The following CFAP20DC variants were observed in gnomAD, a reference collection of about 807,000 sequenced individuals.
CFAP20DC encodes the protein protein CFAP20DC.
A neutral mutation model predicts 101.7 loss-of-function variants in CFAP20DC; 84 were observed. The observed-to-expected ratio is 0.83, with a 90% CI of 0.69 to 0.99. CFAP20DC has a LOEUF of 0.99. Ranked by LOEUF, CFAP20DC falls within the 50% of genes least tolerant of loss-of-function variation. CFAP20DC has a pLI of 0.00. For missense variants in CFAP20DC, 1,007 were observed against 970.3 expected (o/e 1.04, Z -0.50); for synonymous variants, 359 against 351.2 (o/e 1.02, Z -0.25).
chr3:58,742,701 T>C, intron 16 of CFAP20DC, 129 bp from the exon 17 acceptor site: 1 of 516,996 alleles, frequency 1.9e-6, no homozygotes, highest in East Asian at 3.4e-5. Context: ...GGTTTAGGCC[T>C]GAAGGAAGAG....
In CFAP20DC at chr3:58,805,627, T is replaced by TGTAG. The variant is rs1427772937; in HGVS notation, c.2237+764_2237+767dup. Among the ~76,000 whole-genome samples, 8 of 152,216 alleles carry TGTAG rather than the reference T, an allele frequency of 5.3e-5. No individual in the cohort carries two copies. The South Asian group carries it at 1.0e-3, about 20-fold the overall frequency. ...AGGTGCATCACAGTAACTAAGACTTTGTAGGTAGGCTCACGATATATGGAC... is the reference window on the plus strand; with the variant it reads ...AGGTGCATCACAGTAACTAAGACTTTGTAGGTAGGTAGGCTCACGATATATGGAC... On this transcript the variant is annotated intron_variant, in intron 15 of 16. Transcript: ENST00000482387.
chr3:58,953,513 T>C (rs2090341148), intron 4 of CFAP20DC: 1 of 152,218 alleles, frequency 6.6e-6, no homozygotes, highest in Non-Finnish European at 1.5e-5. Context: ...TATGCTACTG[T>C]CTTTGCAAAA....
chr3:59,039,176 A>G (rs1423792117), intron 4 of CFAP20DC, among the ~76,000 whole-genome samples: 1 of 152,126 alleles, frequency 6.6e-6, no homozygotes, highest in Non-Finnish European at 1.5e-5. Flanking sequence ...TTAAAATAAG[A>G]TATTTCAATC....
At chr3:58,922,475 C>A (rs1290402074) in intron 5 of CFAP20DC, among the ~76,000 whole-genome samples, 1 of 152,136 alleles carries the variant, frequency 6.6e-6, no homozygotes, top group Admixed American at 6.5e-5. Context: ...TCATGAATGG[C>A]TTGGTGCCAT....
downstream of CFAP20DC, among the ~76,000 whole-genome samples, chr3:58,739,254 AC>A (rs2067827635): frequency 6.6e-6 from 1 of 152,166 alleles, no homozygotes; most frequent in Non-Finnish European, 1.5e-5. Context: ...CATAATTCCC[AC>A]TAACCAGCCT....
Position 58,964,209 on chromosome 3 carries a change from T to C in CFAP20DC, c.279-26447A>G, listed in dbSNP as rs757049756. On this transcript the variant is annotated intron_variant, in intron 4 of 16. Transcript: ENST00000482387. This position sits in a 1 kb window ranked among gnomAD's most constrained non-coding sequence, Gnocchi z 4.1. ...TAGCTTCAATCGGACAAGAGACTGA[T>C]TTCAATAACCTTCTCCTGTTAAGAA... 6.6e-6 allele frequency among the ~76,000 whole-genome samples: 1 copy of C among 152,196 alleles called. No individual in the cohort carries two copies. Among genetic ancestry groups the C allele is most frequent in the Non-Finnish European group, 1.5e-5 (1 of 68,040 alleles).
chr3:58,930,840 G>A (rs969254940), intron 5 of CFAP20DC, among the ~76,000 whole-genome samples: 1 of 152,344 alleles, frequency 6.6e-6, no homozygotes, highest in Admixed American at 6.5e-5. Context: ...CAGCGTGAGC[G>A]ACGCAGAAGA....
intron 15 of CFAP20DC, among the ~76,000 whole-genome samples, chr3:58,756,558 T>C (rs978847276): frequency 6.6e-5 from 10 of 152,128 alleles, no homozygotes; most frequent in African/African-American, 2.4e-4. Context: ...ACTTTTGTTG[T>C]TGTTGTGGAT....
intron 4 of CFAP20DC, among the ~76,000 whole-genome samples, chr3:58,967,708 T>C (rs76095747): frequency 0.018 from 2,727 of 152,274 alleles, 69 homozygotes; most frequent in African/African-American, 0.061. Flanking sequence ...TTATTTTTAA[T>C]TTTTGAACTT....
chr3:58,929,282 T>G (rs1347842314), intron 5 of CFAP20DC, among the ~76,000 whole-genome samples: 1 of 152,176 alleles, frequency 6.6e-6, no homozygotes, highest in Non-Finnish European at 1.5e-5. Context: ...TACTCAGATT[T>G]TGATGAAATA....
At chr3:58,855,640 G>A (rs1575959662) in intron 12 of CFAP20DC, among the ~76,000 whole-genome samples, 1 of 151,996 alleles carries the variant, frequency 6.6e-6, no homozygotes, top group Non-Finnish European at 1.5e-5. Flanking sequence ...ATACACCATG[G>A]AATACTATGC....
rs777685096 is a variant in CFAP20DC at position 58,729,294 on chromosome 3, T to A, written c.198-11666A>T. On this transcript the variant is annotated intron_variant, in intron 3 of 3. Coordinates refer to the CFAP20DC transcript ENST00000486145. This position sits in a 1 kb window ranked among gnomAD's most constrained non-coding sequence, Gnocchi z 4.4. ...CATAATTTTGTGCACAGAAAACTTG[T>A]ACTTTTAAAATTAATTAGATTTTTA... Among the ~76,000 whole-genome samples, 1 of 152,360 alleles carries A rather than the reference T, an allele frequency of 6.6e-6. No homozygotes were observed.
In CFAP20DC at chr3:58,869,767, T is replaced by TA. The variant is rs138011911; in HGVS notation, c.853-278dup. On this transcript the variant is annotated intron_variant, in intron 8 of 16. Coordinates refer to ENST00000482387, the MANE Select transcript of CFAP20DC (RefSeq NM_001394063.1). The surrounding 1 kb of genome is among the most constrained non-coding windows in gnomAD (Gnocchi z 4.3). ...CATCTTCAGTAGGTAGAAGCCGAAT[T>TA]AAAAATCACGCGTATGTCAGAAATT... is the stretch of plus-strand genomic sequence containing the variant. Among the ~76,000 whole-genome samples, 2,097 of 152,224 alleles carry TA rather than the reference T, an allele frequency of 0.014. 38 individuals carry two copies. The highest frequency in any genetic ancestry group is 0.047 in the African/African-American group (1,941 of 41,526).
chr3:58,736,600 C>G (rs1392801358), intron 3 of CFAP20DC, among the ~76,000 whole-genome samples: 1 of 152,192 alleles, frequency 6.6e-6, no homozygotes, highest in Non-Finnish European at 1.5e-5. Context: ...GTCTCAAGAG[C>G]ACCTCACTCC....
rs1220402243 is a variant in CFAP20DC, at chr3:58,820,969, G to C, written c.2175+10717C>G. Among the ~76,000 whole-genome samples, 14 of 151,166 alleles carry C rather than the reference G, an allele frequency of 9.3e-5. No individual in the cohort carries two copies. The South Asian group carries it at 1.5e-3, about 16-fold the overall frequency. ...AGATATAGATCAATGGAACAGAATA[G>C]AGCCCTCAGAAATAACGCCACATAT... On this transcript the variant is annotated intron_variant, in intron 14 of 16. Transcript: ENST00000482387.
In CFAP20DC at chr3:58,964,169, C is replaced by T. The variant is rs1412508821; in HGVS notation, c.279-26407G>A. On this transcript the variant is annotated intron_variant, in intron 4 of 16. Transcript: ENST00000482387. This position sits in a 1 kb window ranked among gnomAD's most constrained non-coding sequence, Gnocchi z 4.1. ...CAGACACTTTCTGAGTTCCTTATTC[C>T]AGATGTCATAACTATAGCTTCAATC... Among the ~76,000 whole-genome samples, 1 of 152,150 alleles carries T rather than the reference C, an allele frequency of 6.6e-6. No individual in the cohort carries two copies. The highest frequency in any genetic ancestry group is 1.9e-4 in the East Asian group (1 of 5,204).
At chr3:59,044,777 A>C (rs1699708235) in intron 3 of CFAP20DC, among the ~76,000 whole-genome samples, 1 of 152,080 alleles carries the variant, frequency 6.6e-6, no homozygotes, top group South Asian at 2.1e-4. Context: ...AGAAAAAAAC[A>C]AAAGAACTAA....
Position 58,913,502 on chromosome 3 carries a change from G to C in CFAP20DC, c.550+206C>G, listed in dbSNP as rs1328893265. Reference sequence around the variant, plus strand: ...AGAAAAAAGAAAACAACCACAAAAAGAAGATTAATACCTTTTTTGTGACAT... The same window carrying C: ...AGAAAAAAGAAAACAACCACAAAAACAAGATTAATACCTTTTTTGTGACAT... On this transcript the variant is annotated intron_variant, in intron 6 of 16. Coordinates refer to ENST00000482387, the MANE Select transcript of CFAP20DC (RefSeq NM_001394063.1). The surrounding 1 kb of genome is among the most constrained non-coding windows in gnomAD (Gnocchi z 4.4). 1.6e-6 allele frequency: 1 copy of C among 612,244 alleles called. No homozygotes were observed. The highest frequency in any genetic ancestry group is 2.9e-6 in the Non-Finnish European group (1 of 349,260). The allele number at this position is 612,244 out of a possible 1,614,324, so 37.9% of individuals were successfully genotyped here.
chr3:58,960,705 C>CACAT (rs989099831), intron 4 of CFAP20DC, among the ~76,000 whole-genome samples: 2 of 152,028 alleles, frequency 1.3e-5, no homozygotes, highest in Non-Finnish European at 2.9e-5. Context: ...TTCCTATGGA[C>CACAT]ACATGTTTAT....
Sources: gnomAD v4.1 joint callset for allele counts (sites outside exome capture counted in the v4.1 genomes callset) on GRCh38, gnomAD v4.1.1 for gene constraint, Gnocchi (gnomAD v3.1) non-coding constraint, MANE v1.5 for transcripts, NCBI Gene and HGNC (gene_info 2026-07-23, HGNC 2026-07-21) for gene names.